AMTN: variants seen among roughly 807,000 people sequenced by gnomAD.
AMTN encodes amelotin, also known as RSTI689.
In AMTN, 29 loss-of-function variants were observed where a neutral mutation model predicts 27.4. The ratio of observed to expected loss-of-function variants is 1.06; its 90% CI spans 0.79 to 1.44. AMTN has a LOEUF of 1.44. Among genes scored for constraint, AMTN ranks in the 40% most tolerant of loss-of-function variants. AMTN has a pLI of 0.00. For missense variants in AMTN, 247 were observed against 248.8 expected (o/e 0.99, Z 0.05); for synonymous variants, 86 against 95.7 (o/e 0.90, Z 0.59).
intron 7 of AMTN, among the ~76,000 whole-genome samples, chr4:70,530,366 C>T (rs1736194632): frequency 6.6e-6 from 1 of 152,122 alleles, no homozygotes; most frequent in African/African-American, 2.4e-5. Context: ...ATATCACAAC[C>T]CTCAGTTTGA....
chr4:70,527,377 T>C (rs1047947879), intron 5 of AMTN, among the ~76,000 whole-genome samples: 1 of 152,244 alleles, frequency 6.6e-6, no homozygotes, highest in Non-Finnish European at 1.5e-5. Flanking sequence ...ATCTTTTTGT[T>C]CTTTCCACTC....
rs763143860 is a variant in AMTN at position 70,521,640 on chromosome 4, C to CTTTTTTTTTTTTTTTTTTTTTTTTTT, written c.55-1104_55-1079dup. Among the ~76,000 whole-genome samples the CTTTTTTTTTTTTTTTTTTTTTTTTTT allele has an allele frequency of 3.9e-5, 3 of 76,468 alleles. 1 individual carries two copies. The highest frequency in any genetic ancestry group is 6.8e-5 in the Non-Finnish European group (3 of 43,846). 50.2% of individuals were successfully genotyped at this position (76,468 alleles called of 152,430 possible). ...CCTAGAACAGATAATACCAACCTCT[C>CTTTTTTTTTTTTTTTTTTTTTTTTTT]TTTTTTTTTTTTTTTTTTTTTTTTT... On this transcript the variant is annotated intron_variant, in intron 2 of 8. Transcript: ENST00000339336.
At chr4:70,527,008 A>G (rs1306222585) in intron 5 of AMTN, among the ~76,000 whole-genome samples, 3 of 152,156 alleles carry the variant, frequency 2.0e-5, no homozygotes, top group Non-Finnish European at 4.4e-5. Context: ...AGAAAAATGA[A>G]CCATGCTTGT....
chr4:70,522,503 C>G (rs1448831999), intron 2 of AMTN, among the ~76,000 whole-genome samples: 2 of 152,162 alleles, frequency 1.3e-5, no homozygotes, highest in Non-Finnish European at 2.9e-5. Context: ...CCAGGAACCA[C>G]CACAAGACAT....
intron 7 of AMTN, among the ~76,000 whole-genome samples, chr4:70,529,601 T>C (rs928127217): frequency 6.6e-6 from 1 of 152,222 alleles, no homozygotes; most frequent in Non-Finnish European, 1.5e-5. Context: ...ATATTTAATT[T>C]TTATGGAAAA....
Position 70,528,778 on chromosome 4 carries a change from T to C in AMTN, c.330+20T>C. ...GCCCAGGTAAAAATTATGCTTAATA[T>C]TGTCTTGATTTTAAATCACCTTGCT... On this transcript the variant is annotated intron_variant, in intron 6 of 8. Transcript: ENST00000339336. The C allele has an allele frequency of 6.4e-7, 1 of 1,569,564 alleles. No individual in the cohort carries two copies. The highest frequency in any genetic ancestry group is 8.6e-7 in the Non-Finnish European group (1 of 1,161,988).
intron 2 of AMTN, among the ~76,000 whole-genome samples, chr4:70,519,672 G>C (rs1299275773): frequency 6.6e-6 from 1 of 150,994 alleles, no homozygotes; most frequent in East Asian, 1.9e-4. Flanking sequence ...AATCCTTCAT[G>C]GTGTTCACAA....
At chr4:70,530,522 TTGCTAGGTCC>T (rs1361894807) in intron 7 of AMTN, among the ~76,000 whole-genome samples, 8 of 152,208 alleles carry the variant, frequency 5.3e-5, no homozygotes, top group Non-Finnish European at 1.0e-4. Context: ...AAAAGGCAGA[TTGCTAGGTCC>T]TGCTCCAGAC....
chr4:70,522,884 T>C (rs573800800), intron 3 of AMTN, 46 bp downstream of exon 3: 12 of 1,570,420 alleles, frequency 7.6e-6, no homozygotes, highest in Non-Finnish European at 9.6e-6. Context: ...GTAAAGAAAA[T>C]ACGGAACATG....
intron 5 of AMTN, 40 bp from the exon 6 acceptor site, chr4:70,528,683 A>G (rs1413569532): frequency 6.3e-7 from 1 of 1,584,162 alleles, no homozygotes; most frequent in Non-Finnish European, 8.6e-7. Flanking sequence ...ACCATCTTCC[A>G]GAGCTTACTT....
At chr4:70,523,224 G>T (rs573713833) in intron 3 of AMTN, among the ~76,000 whole-genome samples, 2 of 152,326 alleles carry the variant, frequency 1.3e-5, no homozygotes, top group South Asian at 4.1e-4. Context: ...AATCAGAGAT[G>T]ATCTATAAAA....
rs572094802 is a variant in AMTN, at chr4:70,522,244, T to C, written c.55-511T>C. ...GACCAAATGTGTAGGAGGAATATTT[T>C]CATATCTAAAAATTCAGTGATTTTT... is the stretch of plus-strand genomic sequence containing the variant. On this transcript the variant is annotated intron_variant, in intron 2 of 8. Transcript: ENST00000339336. Among the ~76,000 whole-genome samples the C allele has an allele frequency of 2.6e-5, 4 of 152,278 alleles. No individual in the cohort carries two copies. In the South Asian group the frequency reaches 8.3e-4, roughly 32 times the overall value.
chr4:70,531,493 C>A (rs1375969992), intron 8 of AMTN, among the ~76,000 whole-genome samples, 193 bp downstream of exon 8: 2 of 152,108 alleles, frequency 1.3e-5, no homozygotes, highest in Non-Finnish European at 2.9e-5. Context: ...GGTATTAACA[C>A]TGAAGGAAGA....
intron 7 of AMTN, among the ~76,000 whole-genome samples, chr4:70,530,549 G>A (rs777620678): frequency 1.3e-5 from 2 of 152,250 alleles, no homozygotes; most frequent in African/African-American, 4.8e-5. Flanking sequence ...AGACCTGCTC[G>A]ATCAGAATCT....
intron 2 of AMTN, 112 bp from the exon 3 acceptor site, chr4:70,522,643 C>T (rs1736001275): frequency 9.8e-7 from 1 of 1,019,136 alleles, no homozygotes; most frequent in Non-Finnish European, 1.5e-6. Context: ...CTCTAAAATA[C>T]ACAAAGCCTA....
chr4:70,531,591 C>A (rs1218823196), intron 8 of AMTN, among the ~76,000 whole-genome samples: 1 of 152,174 alleles, frequency 6.6e-6, no homozygotes, highest in East Asian at 1.9e-4. Flanking sequence ...CGGCTCACTG[C>A]AACCTCCGTC....
intron 5 of AMTN, among the ~76,000 whole-genome samples, chr4:70,528,425 C>T (rs1196665678): frequency 6.6e-6 from 1 of 152,050 alleles, no homozygotes; most frequent in African/African-American, 2.4e-5. Context: ...CTGAGGCAGG[C>T]AGATCACAAT....
intron 2 of AMTN, among the ~76,000 whole-genome samples, chr4:70,520,326 G>A (rs1370242918): frequency 1.3e-5 from 2 of 152,154 alleles, no homozygotes; most frequent in African/African-American, 4.8e-5. Flanking sequence ...CATAGACAAG[G>A]TATTTTTTAT....
At chr4:70,531,355 T>C (rs1736220395) in intron 8 of AMTN, 55 bp downstream of exon 8, 18 of 1,601,874 alleles carry the variant, frequency 1.1e-5, no homozygotes, top group Non-Finnish European at 1.5e-5. Context: ...ATCTGCAGAA[T>C]GGAAAAGAGG....
Sources: gnomAD v4.1 joint callset for allele counts (sites outside exome capture counted in the v4.1 genomes callset) on GRCh38, gnomAD v4.1.1 for gene constraint, MANE v1.5 for transcripts, NCBI Gene and HGNC (gene_info 2026-07-23, HGNC 2026-07-21) for gene names.